Variants in TF observed in about 807,000 individuals in gnomAD.
TF encodes transferrin, also known as serotransferrin.
TF carries 55 observed loss-of-function variants against 82.4 expected under a neutral mutation model. The observed-to-expected ratio is 0.67, with a 90% CI of 0.54 to 0.84. The LOEUF (loss-of-function observed/expected upper bound fraction) is 0.84, where lower values mean the gene tolerates loss of function less well. Among genes scored for constraint, TF ranks in the 40% least tolerant of loss-of-function variants. The pLI is 0.00. For missense variants in TF, 737 were observed against 868.4 expected (o/e 0.85, Z 1.90); for synonymous variants, 332 against 332.6 (o/e 1.00, Z 0.02).
At chr3:133,774,712 T>A (rs1934341610) in intron 14 of TF, 1 of 200,412 alleles carries the variant, frequency 5.0e-6, no homozygotes, top group Non-Finnish European at 1.1e-5. Flanking sequence ...ATCTCATGTA[T>A]TAGTTATTCG....
In TF at chr3:133,783,402, G is replaced by A. The variant is rs1297229896; in HGVS notation, c.*4782G>A. 2 of 152,128 alleles carry A rather than the reference G, an allele frequency of 1.3e-5. No homozygotes were observed. The highest frequency in any genetic ancestry group is 1.9e-4 in the East Asian group (1 of 5,200). The allele number at this position is 152,128 out of a possible 1,614,324, so 9.4% of individuals were successfully genotyped here. A position where few individuals can be genotyped will look rare whatever the true frequency, so the allele number is the denominator to read the frequency against. ...AAGCAGAGTAGCTGAAAATTTTGGC[G>A]CAGAAGAAAATCTCGTGGACCTCCA... is the stretch of plus-strand genomic sequence containing the variant. On this transcript the variant is annotated 3_prime_UTR_variant, in exon 17 of 17. Coordinates refer to ENST00000402696, the MANE Select transcript of TF (RefSeq NM_001063.4).
At chr3:133,771,939 C>T (rs985409428) in intron 14 of TF, among the ~76,000 whole-genome samples, 3 of 151,976 alleles carry the variant, frequency 2.0e-5, no homozygotes, top group Non-Finnish European at 4.4e-5. Flanking sequence ...TACTTCCCTG[C>T]CTTCTCTCAT....
At chr3:133,680,704 G>A in the TF span, among the ~76,000 whole-genome samples, 1 of 151,974 alleles carries the variant, frequency 6.6e-6, no homozygotes, top group African/African-American at 2.4e-5. Context: ...AAATTTGAAG[G>A]GCTCTATTTG....
chr3:133,679,675 A>C, the TF span, among the ~76,000 whole-genome samples: 1 of 141,546 alleles, frequency 7.1e-6, no homozygotes, highest in African/African-American at 2.7e-5. Context: ...GTAGTACTCT[A>C]TTGAATGGCT....
At chr3:133,727,944 A>G in the TF span, among the ~76,000 whole-genome samples, 2 of 151,994 alleles carry the variant, frequency 1.3e-5, no homozygotes, top group Non-Finnish European at 2.9e-5. Context: ...GAAATTCTGG[A>G]TTGAAAATTC....
At position 133,794,766 on chromosome 3, in the gene TF, G is replaced by A. The variant is rs1559886457; in HGVS notation, c.*16146G>A. On this transcript the variant is annotated 3_prime_UTR_variant, in exon 17 of 17. Coordinates refer to ENST00000402696, the MANE Select transcript of TF (RefSeq NM_001063.4). ...CTCTCCCGAAGAAGATGGCATCCTT[G>A]ATGTGAACAGCTTTTCCCAAGATCA... The A allele has an allele frequency of 6.6e-6, 1 of 152,194 alleles. No individual in the cohort carries two copies. The highest frequency in any genetic ancestry group is 2.4e-5 in the African/African-American group (1 of 41,450). 9.4% of individuals were successfully genotyped at this position (152,194 alleles called of 1,614,324 possible).
Position 133,777,248 on chromosome 3 carries a change from A to AG in TF, c.2062+12dup, listed in dbSNP as rs1192477348. On this transcript the variant is annotated intron_variant, in intron 16 of 16. Transcript: ENST00000402696. ...AAATGCTCCACCTCATGTGAGTAGG[A>AG]GGAACAGCATGGGGAAGTGGCAACC... The AG allele has an allele frequency of 7.5e-6, 12 of 1,610,348 alleles. No individual in the cohort carries two copies. The highest frequency in any genetic ancestry group is 1.0e-5 in the Non-Finnish European group (12 of 1,179,816).
the TF span, among the ~76,000 whole-genome samples, chr3:133,668,535 G>A: frequency 3.9e-5 from 6 of 152,176 alleles, no homozygotes; most frequent in East Asian, 1.2e-3. Context: ...GAGTTTTATT[G>A]TTGTTATTCT....
the TF span, among the ~76,000 whole-genome samples, chr3:133,705,921 A>G: frequency 1.3e-5 from 2 of 152,198 alleles, no homozygotes; most frequent in Non-Finnish European, 2.9e-5. Flanking sequence ...GTGTAATAAT[A>G]CTATTTGCAG....
At chr3:133,725,925 T>C in the TF span, among the ~76,000 whole-genome samples, 1 of 152,236 alleles carries the variant, frequency 6.6e-6, no homozygotes, top group Non-Finnish European at 1.5e-5. Context: ...CATGTGGTTT[T>C]TGTCTTTGGT....
chr3:133,751,644 C>T (rs1217882270), intron 2 of TF, among the ~76,000 whole-genome samples: 1 of 152,110 alleles, frequency 6.6e-6, no homozygotes, highest in Non-Finnish European at 1.5e-5. Context: ...GATGTGATGG[C>T]TATAAAACAA....
chr3:133,687,223 A>G, the TF span, among the ~76,000 whole-genome samples: 1 of 152,200 alleles, frequency 6.6e-6, no homozygotes, highest in Admixed American at 6.5e-5. Context: ...GAGGGATAGC[A>G]TTAGGAGATA....
the TF span, among the ~76,000 whole-genome samples, chr3:133,736,191 A>T: frequency 1.3e-5 from 2 of 152,198 alleles, no homozygotes; most frequent in Admixed American, 1.3e-4. Flanking sequence ...AGAATTTCAT[A>T]TCCAGCCAAA....
chr3:133,766,479 A>G, intron 12 of TF, 46 bp downstream of exon 12: 4 of 1,612,886 alleles, frequency 2.5e-6, no homozygotes, highest in Non-Finnish European at 2.5e-6. Flanking sequence ...CATGCCAGAA[A>G]GCAGGGTCCT....
At chr3:133,681,463 G>A in the TF span, among the ~76,000 whole-genome samples, 2 of 152,340 alleles carry the variant, frequency 1.3e-5, no homozygotes, top group Admixed American at 6.5e-5. Flanking sequence ...AAGGGAAGCC[G>A]TGACAGACGG....
chr3:133,755,515 C>T lies in TF; in HGVS notation c.635+20C>T, dbSNP rs370509730. ...CTTCAAGTGAGTGAGATGTCTGCTG[C>T]TCCATGGTGGCCAAAGTGCCAAATG... On this transcript the variant is annotated intron_variant, in intron 5 of 16. Transcript: ENST00000402696. The T allele has an allele frequency of 2.5e-5, 41 of 1,613,730 alleles. No individual in the cohort carries two copies. Among genetic ancestry groups the T allele is most frequent in the Admixed American group, 8.3e-5 (5 of 60,008 alleles).
intron 11 of TF, 123 bp from the exon 12 acceptor site, chr3:133,766,155 A>T (rs1283236207): frequency 3.2e-6 from 3 of 951,296 alleles, no homozygotes; most frequent in African/African-American, 3.2e-5. Context: ...TACTGGGAAG[A>T]TCCTCTCAAG....
the TF span, among the ~76,000 whole-genome samples, chr3:133,677,277 T>G: frequency 6.6e-6 from 1 of 152,232 alleles, no homozygotes; most frequent in African/African-American, 2.4e-5. Context: ...GTGCTTTTAG[T>G]GAGTGACCTA....
chr3:133,726,455 G>A, the TF span, among the ~76,000 whole-genome samples: 304 of 152,200 alleles, frequency 2.0e-3, 2 homozygotes, highest in African/African-American at 6.9e-3. Flanking sequence ...AGAGGTGTTT[G>A]TAGTATTCTC....
Sources: gnomAD v4.1 joint callset for allele counts (sites outside exome capture counted in the v4.1 genomes callset) on GRCh38, gnomAD v4.1.1 for gene constraint, MANE v1.5 for transcripts, NCBI Gene and HGNC (gene_info 2026-07-23, HGNC 2026-07-21) for gene names.